The following TTN variants were observed in gnomAD, a reference collection of about 807,000 sequenced individuals.
The protein encoded by TTN is connectin.
In TTN, 1,525 loss-of-function variants were observed where a neutral mutation model predicts 3,223.0. The ratio of observed to expected loss-of-function variants is 0.47; its 90% CI spans 0.45 to 0.49. TTN has a LOEUF of 0.49. Ranked by LOEUF, TTN falls within the 20% of genes least tolerant of loss-of-function variation. The pLI is 0.00. For synonymous variants in TTN, 14,094 were observed against 15,161.0 expected (o/e 0.93, Z 5.17); for missense variants, 40,786 against 43,424.0 (o/e 0.94, Z 5.40).
Position 178,564,276 on chromosome 2 carries a change from C to T in TTN, c.81856G>A (p.Val27286Ile), listed in dbSNP as rs372784067. 42 of 1,613,232 alleles carry T rather than the reference C, an allele frequency of 2.6e-5. No homozygotes were observed. The African/African-American group carries it at 3.7e-4, about 14-fold the overall frequency. ...ACAAAAGTCTCTCCTGCATGAACAA[C>T]GATGACATCTTTATATTTTGGATCC... ...SLDPKYKDVI[V>I]VHAGETFVLE... is the part of the protein sequence containing the mutation. The change falls in exon 326 of 363, where the codon GTT becomes ATT. Residue 27286 changes from valine (V) to isoleucine (I), a missense_variant. By Grantham distance (29) the Val-to-Ile change is conservative. Coordinates refer to ENST00000589042, the MANE Select transcript of TTN (RefSeq NM_001267550.2).
intron 115 of TTN, 57 bp downstream of exon 115, chr2:178,695,291 C>T (rs201809216): frequency 3.6e-6 from 5 of 1,400,554 alleles, no homozygotes; most frequent in African/African-American, 1.4e-5. Context: ...TGCTGCCAAA[C>T]AAGCCATGAT....
Position 178,612,401 on chromosome 2 carries a change from G to T in TTN, c.50124C>A (p.Thr16708=). 1 of 1,612,500 alleles carries T rather than the reference G, an allele frequency of 6.2e-7. No individual in the cohort carries two copies. The change falls in exon 266 of 363, where the codon ACC becomes ACA. Residue 16708 remains threonine, a synonymous_variant. Transcript: ENST00000589042. ...WQTVDTTVKD[T]KCTVTPLTEG... ...CAGTCAGTGGGGTGACTGTGCACTT[G>T]GTGTCCTTGACAGTGGTATCCACTG...
intron 316 of TTN, 40 bp downstream of exon 316, chr2:178,581,459 A>C (rs1170242330): frequency 6.7e-7 from 1 of 1,502,390 alleles, no homozygotes; most frequent in Non-Finnish European, 9.0e-7. Flanking sequence ...GAATATGATT[A>C]ATAGGAAAAG....
At position 178,769,734 on chromosome 2, in the gene TTN, T is replaced by C. The variant is rs1324642859; in HGVS notation, c.8847A>G (p.Ala2949=). 1.2e-6 allele frequency: 2 copies of C among 1,613,854 alleles called. No homozygotes were observed. The highest frequency in any genetic ancestry group is 2.7e-5 in the African/African-American group (2 of 74,922). ...CATTGCCACAGACAAATGTGTATTC[T>C]GCCGAGTCCTCTGTGCTGGTGTTCA... ...IIMNTSTEDS[A]EYTFVCGNDQ... The change falls in exon 37 of 363, where the codon GCA becomes GCG. Residue 2949 remains alanine (A), a synonymous_variant. Transcript: ENST00000589042.
chr2:178,641,922 G>A (rs1288598023), intron 219 of TTN, among the ~76,000 whole-genome samples: 1 of 151,712 alleles, frequency 6.6e-6, no homozygotes, highest in African/African-American at 2.4e-5. Flanking sequence ...TAGGTTTAGT[G>A]TACTTTACTA....
rs2093686466 is a variant in TTN, at chr2:178,794,905, A to G, written c.1245+17T>C. On this transcript the variant is annotated intron_variant, in intron 7 of 362. Transcript: ENST00000589042. The stretch of plus-strand genomic sequence containing the variant: ...TAGAATGTGAAATAAGGAAAAACAA[A>G]ACCATTCTGACAGTACCTCTTTAGC... The G allele has an allele frequency of 6.2e-7, 1 of 1,600,048 alleles. No individual in the cohort carries two copies. Among genetic ancestry groups the G allele is most frequent in the African/African-American group, 1.3e-5 (1 of 74,936 alleles).
At position 178,614,472 on chromosome 2, in the gene TTN, C is replaced by T. The variant is rs562289342; in HGVS notation, c.49042G>A (p.Val16348Ile). 6.2e-6 allele frequency: 10 copies of T among 1,601,134 alleles called. No individual in the cohort carries two copies. The East Asian group carries it at 6.7e-5, about 11-fold the overall frequency. ...AAATGAGAACCTTCCTTACCTAAGA[C>T]GTTCACTTCCACCACAGCAGTGGCC... ...GRATAVVEVNVLDKPGPPAAF... is the reference protein window; with the variant it reads ...GRATAVVEVNILDKPGPPAAF... Residue 16348 changes from valine to isoleucine, a missense_variant, in exon 261 of 363, where the codon GTC becomes ATC. Coordinates refer to ENST00000589042, the MANE Select transcript of TTN (RefSeq NM_001267550.2).
chr2:178,721,014 T>C lies in TTN; in HGVS notation c.23005A>G (p.Asn7669Asp), dbSNP rs1060500486. The C allele has an allele frequency of 3.7e-6, 6 of 1,613,278 alleles. No homozygotes were observed. The South Asian group carries it at 4.4e-5, about 12-fold the overall frequency. The change falls in exon 79 of 363, where the codon AAT becomes GAT. Residue 7669 changes from asparagine to aspartate, a missense_variant. Coordinates refer to ENST00000589042, the MANE Select transcript of TTN (RefSeq NM_001267550.2). ...FINSVALLTI[N>D]EASAEDSGDY... ...CCGCTGTCTTCAGCACTAGCTTCAT[T>C]GATCGTAAGCAATGCCACAGAATTA...
intron 218 of TTN, chr2:178,644,145 T>C (rs1405057071): frequency 6.4e-6 from 1 of 155,352 alleles, no homozygotes; most frequent in Non-Finnish European, 1.4e-5. Context: ...AAAAGGAAGA[T>C]AGGACTTATT....
rs780619050 is a variant in TTN at position 178,651,462 on chromosome 2, G to A, written c.39538C>T (p.Pro13180Ser). 6.2e-7 allele frequency: 1 copy of A among 1,611,004 alleles called. No individual in the cohort carries two copies. Among genetic ancestry groups the A allele is most frequent in the Non-Finnish European group, 8.5e-7 (1 of 1,179,030 alleles). ...GGACAGCCACATATACCTTTAGCAG[G>A]TGGGGCTTCTGGCTTTTTGGGAACC... The part of the protein sequence containing the change: ...LVVPKKPEAP[P>S]AKVPEVPKEV... Residue 13180 changes from proline to serine, a missense_variant, in exon 207 of 363, where the codon CCT becomes TCT. Coordinates refer to ENST00000589042, the MANE Select transcript of TTN (RefSeq NM_001267550.2).
In TTN at chr2:178,607,060, G is replaced by T; in HGVS notation, c.53542C>A (p.Pro17848Thr). 4.3e-6 allele frequency: 7 copies of T among 1,611,774 alleles called. No individual in the cohort carries two copies. Among genetic ancestry groups the T allele is most frequent in the Non-Finnish European group, 8.5e-7 (1 of 1,178,962 alleles). ...IAKNKFGCGP[P>T]VEIGPILAVD... Reference sequence around the variant, plus strand: ...GCAAGAATTGGTCCTATTTCAACAGGAGGGCCACAGCCAAACTTGTTCTTG... The same window carrying T: ...GCAAGAATTGGTCCTATTTCAACAGTAGGGCCACAGCCAAACTTGTTCTTG... The change falls in exon 278 of 363, where the codon CCT (proline) becomes ACT (threonine). Residue 17848 changes from proline to threonine, a missense_variant. Pro to Thr is a conservative substitution (Grantham distance 38). Transcript: ENST00000589042.
chr2:178,709,415 G>T, intron 99 of TTN, 151 bp downstream of exon 99: 1 of 702,604 alleles, frequency 1.4e-6, no homozygotes, highest in Non-Finnish European at 2.0e-6. Flanking sequence ...TATATTTTTA[G>T]TAAACATATG....
At position 178,584,279 on chromosome 2, in the gene TTN, C is replaced by A. The variant is rs1394549346; in HGVS notation, c.65272G>T (p.Val21758Phe). ...ATAAAAAAACCCCAAAACTTACCAACTGGCATTCTTGCAGTTACATATTCT... is the reference window on the plus strand; with the variant it reads ...ATAAAAAAACCCCAAAACTTACCAAATGGCATTCTTGCAGTTACATATTCT... ...PTEYVTARMP[V>F]DPPGKPEVID... Residue 21758 changes from valine (V) to phenylalanine (F), a missense_variant, in exon 311 of 363, where the codon GTT (valine) becomes TTT (phenylalanine). Physicochemically the swap from Val to Phe is conservative, Grantham distance 50. Coordinates refer to ENST00000589042, the MANE Select transcript of TTN (RefSeq NM_001267550.2). 1.9e-6 allele frequency: 3 copies of A among 1,551,276 alleles called. No homozygotes were observed. Among genetic ancestry groups the A allele is most frequent in the South Asian group, 2.5e-5 (2 of 80,812 alleles).
chr2:178,752,054 AAAAACCTTTACTATTTTCCATAG>A, intron 47 of TTN: 2 of 1,584,292 alleles, frequency 1.3e-6, no homozygotes, highest in Non-Finnish European at 1.7e-6. Flanking sequence ...AAAAAAAAAA[AAAAACCTTTACTATTTTCCATAG>A]AACTTGAAAA....
rs182425565 is a variant in TTN, at chr2:178,719,195, G to A, written c.24195C>T (p.Ser8065=). The change falls in exon 83 of 363, where the codon TCC becomes TCT. Residue 8065 remains serine (S), a synonymous_variant. Coordinates refer to ENST00000589042, the MANE Select transcript of TTN (RefSeq NM_001267550.2). ...CAGTCAGGACTGCTGAGCACTCATC[G>A]GAACCAGCTACATTGGCAGCCACAC... ...YTCVAANVAG[S]DECSAVLTVQ... 391 of 1,613,614 alleles carry A rather than the reference G, an allele frequency of 2.4e-4. 2 individuals carry two copies. In the African/African-American group the frequency reaches 4.7e-3, roughly 19 times the overall value.
At chr2:178,753,050 G>T in intron 47 of TTN, 74 bp downstream of exon 47, 1 of 1,264,988 alleles carries the variant, frequency 7.9e-7, no homozygotes, top group Non-Finnish European at 1.1e-6. Context: ...AATACTAAGA[G>T]AAAGAAGGCA....
intron 234 of TTN, 56 bp downstream of exon 234, chr2:178,632,862 G>A (rs1335923855): frequency 1.2e-6 from 2 of 1,611,272 alleles, no homozygotes; most frequent in South Asian, 1.1e-5. Context: ...ATGCAGGGGT[G>A]TATCAGGAAG....
In TTN at chr2:178,590,305, G is replaced by C. The variant is rs2049932348; in HGVS notation, c.61420C>G (p.Pro20474Ala). Residue 20474 changes from proline (P) to alanine (A), a missense_variant, in exon 304 of 363, where the codon CCA (proline) becomes GCA (alanine). Pro to Ala is a conservative substitution (Grantham distance 27). Coordinates refer to ENST00000589042, the MANE Select transcript of TTN (RefSeq NM_001267550.2). ...CAAGTAACATCAAGTTCTACTTCTG[G>C]AGGATGAAGGATATCTTTTGCAATC... ...SVIAKDILHP[P>A]EVELDVTCRD... 6.4e-7 allele frequency: 1 copy of C among 1,569,708 alleles called. No homozygotes were observed. Among genetic ancestry groups the C allele is most frequent in the African/African-American group, 1.4e-5 (1 of 73,606 alleles).
Position 178,527,216 on chromosome 2 carries a change from A to G in TTN, c.107772T>C (p.Pro35924=), listed in dbSNP as rs1279161965. The G allele has an allele frequency of 6.2e-7, 1 of 1,613,924 alleles. No individual in the cohort carries two copies. The highest frequency in any genetic ancestry group is 1.1e-5 in the South Asian group (1 of 91,060). ...CACAGGACCATGTTACTTCTGGGGT[A>G]GGCTCACCCGTGAAAGCACAGGCTA... ...LTVACAFTGE[P]TPEVTWSCGG... Residue 35924 remains proline (P), a synonymous_variant, in exon 363 of 363, where the codon CCT becomes CCC. Coordinates refer to ENST00000589042, the MANE Select transcript of TTN (RefSeq NM_001267550.2).
Sources: allele counts gnomAD v4.1 joint callset (sites outside exome capture counted in the v4.1 genomes callset), GRCh38; gene constraint gnomAD v4.1.1; transcripts MANE v1.5; gene names NCBI Gene and HGNC (gene_info 2026-07-23, HGNC 2026-07-21).